The following DPYD variants were observed in gnomAD, a reference collection of about 807,000 sequenced individuals.
DPYD encodes the protein dihydropyrimidine dehydrogenase.
DPYD carries 109 observed loss-of-function variants against 116.2 expected under a neutral mutation model. That is an observed-to-expected ratio of 0.94 (90% CI 0.80 to 1.10). The LOEUF is 1.10. Among genes scored for constraint, DPYD ranks in the 50% least tolerant of loss-of-function variants. The probability of loss-of-function intolerance (pLI) is 0.00; values close to 1 mark genes in which losing one functional copy is unlikely to be tolerated. For missense variants in DPYD, 1,302 were observed against 1,254.5 expected, an observed-to-expected ratio of 1.04 and a Z score of -0.57; for synonymous variants, 440 against 432.0, an observed-to-expected ratio of 1.02 and a Z score of -0.23.
At chr1:97,173,322 ATACACATATATG>A (rs1203616266) in intron 20 of DPYD, among the ~76,000 whole-genome samples, 1 of 125,906 alleles carries the variant, frequency 7.9e-6, no homozygotes, top group African/African-American at 3.6e-5. Flanking sequence ...GCACACATAT[ATACACATATATG>A]TGTATATATG....
chr1:97,649,438 T>C (rs1658457037), intron 8 of DPYD, among the ~76,000 whole-genome samples: 1 of 152,126 alleles, frequency 6.6e-6, no homozygotes, highest in Admixed American at 6.6e-5. Context: ...TGTTCATATT[T>C]ATCATCCTAC....
chr1:97,344,548 ACATT>A (rs1438224077), intron 16 of DPYD, among the ~76,000 whole-genome samples: 3 of 151,750 alleles, frequency 2.0e-5, no homozygotes, highest in Non-Finnish European at 2.9e-5. Flanking sequence ...TGTTATTTTA[ACATT>A]CAATTTTTTT....
intron 3 of DPYD, among the ~76,000 whole-genome samples, chr1:97,798,513 T>C (rs1244564806): frequency 1.3e-5 from 2 of 152,086 alleles, no homozygotes; most frequent in South Asian, 2.1e-4. Flanking sequence ...ATTTTAAGTA[T>C]AGATTTGCAA....
At chr1:97,895,156 T>A (rs140062227) in intron 1 of DPYD, among the ~76,000 whole-genome samples, 185 of 151,924 alleles carry the variant, frequency 1.2e-3, no homozygotes, top group Non-Finnish European at 2.1e-3. Flanking sequence ...CTGGCTCCTA[T>A]GTAAAATTGG....
At chr1:97,455,324 C>T (rs1676622175) in intron 13 of DPYD, among the ~76,000 whole-genome samples, 1 of 151,904 alleles carries the variant, frequency 6.6e-6, no homozygotes, top group Admixed American at 6.6e-5. Flanking sequence ...ACTTGAAAAC[C>T]TGTAACTGAA....
chr1:97,807,818 T>C lies in DPYD; in HGVS notation c.233+20296A>G, dbSNP rs142112918. On this transcript the variant is annotated intron_variant, in intron 3 of 22. Transcript: ENST00000370192. ...ATTTTGAGTTAATGTTTGTGAAAGGTGTTAGATCTGTGTCCAGTGTGTCTA... is the reference window on the plus strand; with the variant it reads ...ATTTTGAGTTAATGTTTGTGAAAGGCGTTAGATCTGTGTCCAGTGTGTCTA... Among the ~76,000 whole-genome samples, 19 of 152,210 alleles carry C rather than the reference T, an allele frequency of 1.2e-4. No homozygotes were observed. The East Asian group carries it at 3.7e-3, about 29-fold the overall frequency.
chr1:97,233,933 A>G (rs1394966862), intron 19 of DPYD, among the ~76,000 whole-genome samples: 1 of 152,180 alleles, frequency 6.6e-6, no homozygotes, highest in African/African-American at 2.4e-5. Context: ...TATTATTTCC[A>G]CCATAGATTG....
intron 12 of DPYD, among the ~76,000 whole-genome samples, chr1:97,532,273 T>C (rs1649683398): frequency 6.6e-6 from 1 of 152,124 alleles, no homozygotes; most frequent in Non-Finnish European, 1.5e-5. Context: ...TACTGTTGAA[T>C]TTGGTTTGCT....
intron 13 of DPYD, among the ~76,000 whole-genome samples, chr1:97,464,870 C>T (rs367821465): frequency 3.9e-5 from 6 of 152,138 alleles, no homozygotes; most frequent in East Asian, 3.9e-4. Flanking sequence ...CCTAGTGGAG[C>T]TGTGAGAAGA....
chr1:97,087,354 A>G (rs1407789583), intron 21 of DPYD, among the ~76,000 whole-genome samples: 2 of 152,194 alleles, frequency 1.3e-5, no homozygotes, highest in Non-Finnish European at 2.9e-5. Context: ...CAGTAAGAAA[A>G]GGACATCTTA....
At chr1:97,205,102 T>C (rs12093141) in intron 19 of DPYD, among the ~76,000 whole-genome samples, 4,237 of 152,196 alleles carry the variant, frequency 0.028, 165 homozygotes, top group African/African-American at 0.09. Context: ...TTCCCCATTA[T>C]TAATATCTTG....
At chr1:97,405,417 T>C (rs1026547498) in intron 14 of DPYD, among the ~76,000 whole-genome samples, 3 of 152,152 alleles carry the variant, frequency 2.0e-5, no homozygotes, top group Admixed American at 2.0e-4. Flanking sequence ...TGAGAAAGTG[T>C]TTATTTCTCC....
chr1:97,408,455 T>C lies in DPYD; in HGVS notation c.1906-25994A>G, dbSNP rs1017450456. Among the ~76,000 whole-genome samples, 24 of 152,170 alleles carry C rather than the reference T, an allele frequency of 1.6e-4. 1 individual carries two copies. Among genetic ancestry groups the C allele is most frequent in the African/African-American group, 5.8e-4 (24 of 41,438 alleles). On this transcript the variant is annotated intron_variant, in intron 14 of 22. Transcript: ENST00000370192. ...TGACTTCATATAAGAATTTAAGTGT[T>C]AACTTTATGTAATAGCAATTAGGGT...
At chr1:97,458,425 A>C (rs1390937213) in intron 13 of DPYD, among the ~76,000 whole-genome samples, 1 of 152,188 alleles carries the variant, frequency 6.6e-6, no homozygotes, top group African/African-American at 2.4e-5. Context: ...TAAAAGATGC[A>C]TAGCTGTACT....
At chr1:97,602,803 T>C (rs1655344519) in intron 8 of DPYD, among the ~76,000 whole-genome samples, 1 of 151,898 alleles carries the variant, frequency 6.6e-6, no homozygotes, top group African/African-American at 2.4e-5. Flanking sequence ...AAGAAGTACC[T>C]TTTTCTTCAT....
At chr1:97,593,519 A>G in intron 9 of DPYD, 132 bp from the exon 10 acceptor site, 1 of 992,938 alleles carries the variant, frequency 1.0e-6, no homozygotes, top group Non-Finnish European at 1.5e-6. Context: ...TCACTATCAA[A>G]TTATTCTGCT....
At chr1:97,919,478 A>G (rs553356050) in intron 1 of DPYD, among the ~76,000 whole-genome samples, 5 of 152,218 alleles carry the variant, frequency 3.3e-5, no homozygotes, top group Non-Finnish European at 7.4e-5. Context: ...ATAACACACC[A>G]TTCTGAAATT....
At chr1:97,497,912 T>C (rs1343808093) in intron 13 of DPYD, among the ~76,000 whole-genome samples, 2 of 151,578 alleles carry the variant, frequency 1.3e-5, no homozygotes, top group African/African-American at 2.4e-5. Context: ...TAGGTAAAAG[T>C]AGAAAAATAC....
chr1:97,600,333 G>A (rs1359071552), intron 8 of DPYD, among the ~76,000 whole-genome samples: 1 of 152,118 alleles, frequency 6.6e-6, no homozygotes, highest in Non-Finnish European at 1.5e-5. Context: ...GGGAAATGGT[G>A]CTGCATTAGG....
Sources: allele counts gnomAD v4.1 joint callset (sites outside exome capture counted in the v4.1 genomes callset), GRCh38; gene constraint gnomAD v4.1.1; transcripts MANE v1.5; gene names NCBI Gene and HGNC (gene_info 2026-07-23, HGNC 2026-07-21).